The following KIF15 variants were observed in gnomAD, a reference collection of about 807,000 sequenced individuals.
The protein encoded by KIF15 is kinesin-like protein KIF15.
KIF15 carries 140 observed loss-of-function variants against 190.6 expected under a neutral mutation model. That is an observed-to-expected ratio of 0.73 (90% CI 0.64 to 0.84). KIF15 has a LOEUF of 0.84. Ranked by LOEUF, KIF15 falls within the 40% of genes least tolerant of loss-of-function variation. The pLI is 0.00. For synonymous variants in KIF15, 528 were observed against 551.3 expected (o/e 0.96, Z 0.59); for missense variants, 1,372 against 1,584.4 (o/e 0.87, Z 2.28).
In KIF15 at chr3:44,811,029, C is replaced by G; in HGVS notation, c.2155C>G (p.Leu719Val). ...EQAFEAISEE[L>V]RTVQEQMSAL... is the part of the protein sequence containing the mutation. ...AGCTTTTGAGGCCATTTCTGAAGAG[C>G]TTAGAACAGTGCAGGTAATGTTTTG... is the stretch of plus-strand genomic sequence containing the variant. The change falls in exon 17 of 35, where the codon CTT becomes GTT. Residue 719 changes from leucine (L) to valine (V), a missense_variant. Physicochemically the swap from Leu to Val is conservative, Grantham distance 32 (BLOSUM62 1). Transcript: ENST00000326047. 1.9e-6 allele frequency: 3 copies of G among 1,608,020 alleles called. No individual in the cohort carries two copies. The highest frequency in any genetic ancestry group is 2.5e-6 in the Non-Finnish European group (3 of 1,178,112).
rs1382120208 is a variant in KIF15, at chr3:44,801,563, T to C, written c.1299+37T>C. The C allele has an allele frequency of 3.7e-6, 5 of 1,355,186 alleles. No homozygotes were observed. In the African/African-American group the frequency reaches 5.8e-5, roughly 16 times the overall value. The allele number at this position is 1,355,186 out of a possible 1,614,324, so 83.9% of individuals were successfully genotyped here. A position where few individuals can be genotyped will look rare whatever the true frequency, so the allele number is the denominator to read the frequency against. ...AATTAGTAATAAAGGAGATTCAAGATAGTTAGTTTTTTGCTGTGTGGTTTT... is the reference window on the plus strand; with the variant it reads ...AATTAGTAATAAAGGAGATTCAAGACAGTTAGTTTTTTGCTGTGTGGTTTT... On this transcript the variant is annotated intron_variant, in intron 12 of 34. Transcript: ENST00000326047.
At chr3:44,778,078 T>C (rs772513901) in intron 3 of KIF15, 37 bp from the exon 4 acceptor site, 3 of 1,564,902 alleles carry the variant, frequency 1.9e-6, no homozygotes, top group South Asian at 1.1e-5. Context: ...ATGTTTTCAT[T>C]TTTATGATAT....
At chr3:44,819,825 GTC>G (rs1466712896) in intron 20 of KIF15, among the ~76,000 whole-genome samples, 1 of 152,144 alleles carries the variant, frequency 6.6e-6, no homozygotes, top group Non-Finnish European at 1.5e-5. Flanking sequence ...TCATTCATCT[GTC>G]TAATATTGAC....
At chr3:44,807,768 T>C (rs114971166) in intron 16 of KIF15, among the ~76,000 whole-genome samples, 1,659 of 152,198 alleles carry the variant, frequency 0.011, 25 homozygotes, top group African/African-American at 0.037. Context: ...GAAAAAATGT[T>C]CTCCCCCTTT....
rs1404790974 is a variant in KIF15 at position 44,826,379 on chromosome 3, T to C, written c.2705T>C (p.Leu902Ser). 1.2e-6 allele frequency: 2 copies of C among 1,611,706 alleles called. No homozygotes were observed. The highest frequency in any genetic ancestry group is 2.7e-5 in the African/African-American group (2 of 74,838). ...NETLKSDLNN[L>S]MELLEAEKER... ...AAATCTAATGTTGTCTTTTAGAATTTGATGGAGCTTCTTGAGGCAGAAAAA... is the reference window on the plus strand; with the variant it reads ...AAATCTAATGTTGTCTTTTAGAATTCGATGGAGCTTCTTGAGGCAGAAAAA... Residue 902 changes from leucine to serine, a missense_variant, in exon 22 of 35, where the codon TTG (leucine) becomes TCG (serine). Transcript: ENST00000326047.
chr3:44,821,416 C>T (rs575867745), intron 20 of KIF15, among the ~76,000 whole-genome samples: 18 of 132,312 alleles, frequency 1.4e-4, no homozygotes, highest in African/African-American at 3.4e-4. Context: ...ACGGGGCGGT[C>T]GGGCAGAGAC....
At position 44,848,492 on chromosome 3, in the gene KIF15, T is replaced by C. The variant is rs768169653; in HGVS notation, c.3769-29T>C. 3 of 987,294 alleles carry C rather than the reference T, an allele frequency of 3.0e-6. No homozygotes were observed. In the South Asian group the frequency reaches 4.5e-5, roughly 15 times the overall value. 61.2% of individuals were successfully genotyped at this position (987,294 alleles called of 1,614,324 possible). A position where few individuals can be genotyped will look rare whatever the true frequency, so the allele number is the denominator to read the frequency against. On this transcript the variant is annotated intron_variant, in intron 31 of 34. Transcript: ENST00000326047. ...GTTATTTAAGAACCTAAGCAATCTT[T>C]TTATTTTCTTTTTTTAATCTTCTTA...
chr3:44,848,821 A>G (rs1160981463), intron 32 of KIF15, among the ~76,000 whole-genome samples: 2 of 152,126 alleles, frequency 1.3e-5, no homozygotes, highest in African/African-American at 4.8e-5. Context: ...CTCATGGACA[A>G]TGAGAACAAT....
chr3:44,796,993 TA>T (rs762136466), intron 8 of KIF15, among the ~76,000 whole-genome samples: 4 of 152,130 alleles, frequency 2.6e-5, no homozygotes, highest in Non-Finnish European at 4.4e-5. Context: ...GTGACATTAA[TA>T]TTTTTTTTCT....
chr3:44,857,585 C>T (rs1026785680), downstream of KIF15, among the ~76,000 whole-genome samples: 6 of 152,066 alleles, frequency 3.9e-5, no homozygotes, highest in Admixed American at 6.5e-5. Context: ...CTTCAAGGAA[C>T]GGAAAGAGGA....
chr3:44,795,547 G>A (rs1706935244), intron 8 of KIF15, among the ~76,000 whole-genome samples: 1 of 152,134 alleles, frequency 6.6e-6, no homozygotes, highest in South Asian at 2.1e-4. Context: ...TTTTAGAAGG[G>A]AGAGCCCACA....
At chr3:44,825,957 A>G in intron 20 of KIF15, 82 bp from the exon 21 acceptor site, 1 of 1,262,098 alleles carries the variant, frequency 7.9e-7, no homozygotes, top group Non-Finnish European at 1.1e-6. Context: ...TGTAGATGAG[A>G]TAAATTGAAC....
rs200649434 is a variant in KIF15 at position 44,826,470 on chromosome 3, A to G, written c.2786+10A>G. The G allele has an allele frequency of 1.2e-5, 19 of 1,559,824 alleles. No individual in the cohort carries two copies. In the South Asian group the frequency reaches 1.4e-4, roughly 11 times the overall value. On this transcript the variant is annotated intron_variant, in intron 22 of 34. Transcript: ENST00000326047. ...AAGAAAACAGTTCTAAGTGAGTGCTATTTATTTTTTCTACTAGCATACTAG... is the reference window on the plus strand; with the variant it reads ...AAGAAAACAGTTCTAAGTGAGTGCTGTTTATTTTTTCTACTAGCATACTAG...
intron 12 of KIF15, 53 bp downstream of exon 12, chr3:44,801,579 G>A: frequency 2.4e-6 from 3 of 1,251,014 alleles, no homozygotes; most frequent in South Asian, 2.5e-5. Flanking sequence ...GTTTTTTGCT[G>A]TGTGGTTTTT....
chr3:44,851,709 G>A, intron 32 of KIF15, 78 bp from the exon 33 acceptor site: 1 of 1,231,310 alleles, frequency 8.1e-7, no homozygotes, highest in Non-Finnish European at 1.1e-6. Flanking sequence ...TGGCCTTGCA[G>A]TACACATGTC....
rs941389891 is a variant in KIF15, at chr3:44,841,208, A to C, written c.3555A>C (p.Glu1185Asp). Residue 1185 changes from glutamate (E) to aspartate (D), a missense_variant, in exon 29 of 35, where the codon GAA (glutamate) becomes GAC (aspartate). Glu to Asp is a conservative substitution (Grantham distance 45, BLOSUM62 2). Transcript: ENST00000326047. ...TAACAAAGCTAAATGAAGACAGAGAAGTCAAAAATGCTGAAATCCTCAGAA... is the reference window on the plus strand; with the variant it reads ...TAACAAAGCTAAATGAAGACAGAGACGTCAAAAATGCTGAAATCCTCAGAA... ...HLVTKLNEDR[E>D]VKNAEILRMK... is the part of the protein sequence containing the mutation. 6.2e-6 allele frequency: 10 copies of C among 1,606,328 alleles called. No homozygotes were observed. The highest frequency in any genetic ancestry group is 8.5e-6 in the Non-Finnish European group (10 of 1,178,234).
intron 1 of KIF15, among the ~76,000 whole-genome samples, chr3:44,764,853 T>G (rs532127914): frequency 6.5e-4 from 99 of 152,318 alleles, no homozygotes; most frequent in Admixed American, 6.1e-3. Context: ...GCAAGGCTGG[T>G]CTCAAACTCC....
chr3:44,820,349 T>A (rs888669373), intron 20 of KIF15, among the ~76,000 whole-genome samples: 2 of 152,004 alleles, frequency 1.3e-5, no homozygotes, highest in African/African-American at 4.8e-5. Flanking sequence ...TTTTTTTTTT[T>A]TAAACTTTTA....
chr3:44,866,905 A>G (rs1301841275), intron 6 of KIF15, among the ~76,000 whole-genome samples: 2 of 151,796 alleles, frequency 1.3e-5, no homozygotes, highest in Non-Finnish European at 2.9e-5. Flanking sequence ...ACTTGCTCTT[A>G]CCCTTGCCTT....
Sources: gnomAD v4.1 joint callset for allele counts (sites outside exome capture counted in the v4.1 genomes callset) on GRCh38, gnomAD v4.1.1 for gene constraint, MANE v1.5 for transcripts, NCBI Gene and HGNC (gene_info 2026-07-23, HGNC 2026-07-21) for gene names.